The following ABCC9 variants were observed in gnomAD, a reference collection of about 807,000 sequenced individuals.
ABCC9 encodes ATP binding cassette subfamily C member 9.
Under a neutral mutation model 188.3 loss-of-function variants are expected in ABCC9, and 95 were observed. That is an observed-to-expected ratio of 0.50 (90% CI 0.43 to 0.60). The LOEUF (loss-of-function observed/expected upper bound fraction) is 0.60, where lower values mean the gene tolerates loss of function less well. ABCC9 is among the 20% of genes least tolerant of loss of function. The pLI is 0.00. For missense variants in ABCC9, 1,102 were observed against 1,876.3 expected (o/e 0.59, Z 7.62); for synonymous variants, 659 against 652.7 (o/e 1.01, Z -0.15).
Position 21,845,855 on chromosome 12 carries a change from T to G in ABCC9, c.2867-23A>C, listed in dbSNP as rs1336260474. On this transcript the variant is annotated intron_variant, in intron 25 of 39. Transcript: ENST00000261200. ...CCTCTACATACAAAAAACTTTTGTT[T>G]AAGCTTCAGATGGGCACCGGCTAGA... 2.5e-6 allele frequency: 4 copies of G among 1,586,536 alleles called. No individual in the cohort carries two copies. In the Admixed American group the frequency reaches 6.7e-5, roughly 27 times the overall value.
At chr12:21,829,353 C>A (rs575251596) in intron 30 of ABCC9, among the ~76,000 whole-genome samples, 2 of 151,880 alleles carry the variant, frequency 1.3e-5, no homozygotes, top group African/African-American at 4.8e-5. Flanking sequence ...AGGCACCCGC[C>A]ACCATGCCCG....
In ABCC9 at chr12:21,800,878, A is replaced by C. The variant is rs971057093; in HGVS notation, c.*166T>G. 29 of 752,636 alleles carry C rather than the reference A, an allele frequency of 3.9e-5. No individual in the cohort carries two copies. Among genetic ancestry groups the C allele is most frequent in the African/African-American group, 8.8e-5 (5 of 56,790 alleles). The allele number at this position is 752,636 out of a possible 1,614,324, so 46.6% of individuals were successfully genotyped here. The stretch of plus-strand genomic sequence containing the variant: ...ATCAATAATGAACATATTAAGCAAT[A>C]ATATCTTGAAAAACTGTTTTAAAAA... On this transcript the variant is annotated 3_prime_UTR_variant, in exon 40 of 40. Coordinates refer to ENST00000261200, the MANE Select transcript of ABCC9 (RefSeq NM_020297.4).
chr12:21,809,411 C>A (rs1444386297), intron 37 of ABCC9, among the ~76,000 whole-genome samples: 2 of 152,132 alleles, frequency 1.3e-5, no homozygotes, highest in African/African-American at 4.8e-5. Flanking sequence ...TCCCTCCTGG[C>A]AGCAGAGAAA....
At chr12:21,934,334 T>C (rs111976130) in intron 3 of ABCC9, among the ~76,000 whole-genome samples, 26 of 152,198 alleles carry the variant, frequency 1.7e-4, no homozygotes, top group African/African-American at 6.0e-4. Flanking sequence ...AAAAGACATA[T>C]TTGGTTACAA....
chr12:21,898,445 G>A (rs960431413), intron 12 of ABCC9, among the ~76,000 whole-genome samples: 4 of 152,126 alleles, frequency 2.6e-5, no homozygotes, highest in Non-Finnish European at 4.4e-5. Context: ...TTGACACTAT[G>A]TTAGTGGTGC....
In ABCC9 at chr12:21,852,096, C is replaced by T; in HGVS notation, c.2769+1G>A. On this transcript the variant is annotated splice_donor_variant, in intron 24 of 39. Transcript: ENST00000261200. LOFTEE classifies it high-confidence loss of function. ...AACTCTTCTGAACTATGAGCACTTA[C>T]CTTTTCTAATTCTTGATCTTGCCGA... is the stretch of plus-strand genomic sequence containing the variant. 1 of 1,613,520 alleles carries T rather than the reference C, an allele frequency of 6.2e-7. No individual in the cohort carries two copies. The highest frequency in any genetic ancestry group is 8.5e-7 in the Non-Finnish European group (1 of 1,179,792).
intron 22 of ABCC9, among the ~76,000 whole-genome samples, chr12:21,855,386 A>T (rs1945170479): frequency 6.6e-6 from 1 of 151,822 alleles, no homozygotes; most frequent in Non-Finnish European, 1.5e-5. Flanking sequence ...CGCCCCGCTA[A>T]TTTTTTTGTA....
At position 21,916,885 on chromosome 12, in the gene ABCC9, C is replaced by T. The variant is rs550368200; in HGVS notation, c.573+52G>A. 1.3e-5 allele frequency: 19 copies of T among 1,508,084 alleles called. No homozygotes were observed. In the East Asian group the frequency reaches 4.1e-4, roughly 33 times the overall value. The allele number at this position is 1,508,084 out of a possible 1,614,324, so 93.4% of individuals were successfully genotyped here. A position where few individuals can be genotyped will look rare whatever the true frequency, so the allele number is the denominator to read the frequency against. On this transcript the variant is annotated intron_variant, in intron 6 of 39. Transcript: ENST00000261200. ...TGATTTCTAGCTAACTGTAATCTTT[C>T]ATATTGGGGTCTTGAATCCAAGTAA...
At chr12:21,834,031 A>G (rs1229602250) in intron 30 of ABCC9, among the ~76,000 whole-genome samples, 2 of 152,148 alleles carry the variant, frequency 1.3e-5, no homozygotes, top group Non-Finnish European at 2.9e-5. Context: ...CTGATTTCCA[A>G]TTAATTTTTT....
chr12:21,908,157 C>T lies in ABCC9; in HGVS notation c.1375G>A (p.Gly459Ser), dbSNP rs1060503051. ...GCAAGGAGCACAATGACAGCTGCAC[C>T]GACCAATGCACTTGATCCAAGTAAA... is the stretch of plus-strand genomic sequence containing the variant. ...YNLLGSSALV[G>S]AAVIVLLAPI... Residue 459 changes from glycine (G) to serine (S), a missense_variant, in exon 11 of 40, where the codon GGT becomes AGT. By Grantham distance (56) the Gly-to-Ser change is moderately conservative. Around this residue, in one of 12 missense-constraint regions of ABCC9, gnomAD observed 305 missense variants for 573.0 expected, o/e 0.53. Transcript: ENST00000261200. The T allele has an allele frequency of 1.2e-6, 2 of 1,612,548 alleles. No homozygotes were observed. Among genetic ancestry groups the T allele is most frequent in the Non-Finnish European group, 1.7e-6 (2 of 1,179,062 alleles).
rs760730470 is a variant in ABCC9 at position 21,812,041 on chromosome 12, T to C, written c.4211+8A>G. The C allele has an allele frequency of 6.3e-7, 1 of 1,581,072 alleles. No homozygotes were observed. The highest frequency in any genetic ancestry group is 1.3e-5 in the African/African-American group (1 of 74,292). The stretch of plus-strand genomic sequence containing the variant: ...AGGCATACAGGTGTTGCTAAATATG[T>C]TACCTACCTAATGGAACCACTGAAT... On this transcript the variant is annotated splice_region_variant and intron_variant, in intron 36 of 39. Transcript: ENST00000261200.
In ABCC9 at chr12:21,799,497, T is replaced by A. The variant is rs1305744931; in HGVS notation, c.*1547A>T. On this transcript the variant is annotated 3_prime_UTR_variant, in exon 40 of 40. Transcript: ENST00000261200. ...TAAGGTTATTTTCTTCCAAGGAAGT[T>A]TTATATACACAACAAAAGGTTACAA... 6.6e-6 allele frequency: 1 copy of A among 152,152 alleles called. No homozygotes were observed. The highest frequency in any genetic ancestry group is 1.9e-4 in the East Asian group (1 of 5,200). The allele number at this position is 152,152 out of a possible 1,614,324, so 9.4% of individuals were successfully genotyped here.
intron 19 of ABCC9, among the ~76,000 whole-genome samples, chr12:21,864,107 G>GT (rs1318302327): frequency 6.6e-6 from 1 of 151,794 alleles, no homozygotes; most frequent in Non-Finnish European, 1.5e-5. Flanking sequence ...TCCCATCACT[G>GT]TTCAACTCAT....
intron 12 of ABCC9, 113 bp downstream of exon 12, chr12:21,906,013 T>C: frequency 8.3e-7 from 1 of 1,200,530 alleles, no homozygotes; most frequent in Non-Finnish European, 1.2e-6. Context: ...AGAAAATAAA[T>C]AGGTGTCCTT....
At chr12:21,831,911 C>T (rs1943782185) in intron 30 of ABCC9, among the ~76,000 whole-genome samples, 1 of 152,164 alleles carries the variant, frequency 6.6e-6, no homozygotes, top group South Asian at 2.1e-4. Context: ...AGTGCTTTAT[C>T]TGGAACACTT....
chr12:21,888,657 G>T (rs1469999913), intron 14 of ABCC9, among the ~76,000 whole-genome samples: 1 of 152,128 alleles, frequency 6.6e-6, no homozygotes, highest in Non-Finnish European at 1.5e-5. Flanking sequence ...TGCTCTAGAA[G>T]ACTGGTTTGC....
rs373236562 is a variant in ABCC9, at chr12:21,807,695, T to C, written c.4316-216A>G. On this transcript the variant is annotated intron_variant, in intron 37 of 39. Coordinates refer to ENST00000261200, the MANE Select transcript of ABCC9 (RefSeq NM_020297.4). Reference sequence around the variant, plus strand: ...TCATTTATGACAATAGGTAGTGAATTACCTCTGATAGGAGGATATAAAACA... The same window carrying C: ...TCATTTATGACAATAGGTAGTGAATCACCTCTGATAGGAGGATATAAAACA... Among the ~76,000 whole-genome samples the C allele has an allele frequency of 9.1e-4, 139 of 152,306 alleles. 5 individuals carry two copies. The South Asian group carries it at 0.028, about 31-fold the overall frequency.
In ABCC9 at chr12:21,851,919, G is replaced by C. The variant is rs985407873; in HGVS notation, c.2769+178C>G. On this transcript the variant is annotated intron_variant, in intron 24 of 39. Transcript: ENST00000261200. ...CAAAGATGGCATTAGAATTTTATAG[G>C]TTCAAAGTACCCTGTTCATTAATAA... Among the ~76,000 whole-genome samples the C allele has an allele frequency of 3.9e-5, 6 of 152,200 alleles. No homozygotes were observed. The South Asian group carries it at 1.2e-3, about 32-fold the overall frequency.
intron 21 of ABCC9, 128 bp downstream of exon 21, chr12:21,860,843 A>G (rs1945467568): frequency 1.3e-6 from 1 of 746,076 alleles, no homozygotes; most frequent in Non-Finnish European, 2.3e-6. Context: ...GTTTTCTGGA[A>G]CTTCTTACTG....
Sources: allele counts gnomAD v4.1 joint callset (sites outside exome capture counted in the v4.1 genomes callset), GRCh38; gene constraint gnomAD v4.1.1; regional missense constraint gnomAD v4.1.1; transcripts MANE v1.5; gene names NCBI Gene and HGNC (gene_info 2026-07-23, HGNC 2026-07-21).